Variants in CILP observed in about 807,000 individuals in gnomAD.
CILP encodes the protein cartilage intermediate layer protein 1.
In CILP, 75 loss-of-function variants were observed where a neutral mutation model predicts 82.5. That is an observed-to-expected ratio of 0.91 (90% CI 0.75 to 1.10). The LOEUF is 1.10. Ranked by LOEUF, CILP falls within the 50% of genes least tolerant of loss-of-function variation. CILP has a pLI of 0.00. For synonymous variants in CILP, 530 were observed against 580.3 expected (o/e 0.91, Z 1.25); for missense variants, 1,479 against 1,530.8 (o/e 0.97, Z 0.56).
chr15:65,199,073 C>G lies in CILP; in HGVS notation c.1213G>C (p.Val405Leu), dbSNP rs2088420036. Residue 405 changes from valine (V) to leucine (L), a missense_variant, in exon 9 of 9, where the codon GTT becomes CTT. By Grantham distance (32) the Val-to-Leu change is conservative (BLOSUM62 1). Transcript: ENST00000261883. ...IASDETPCNP[V>L]PESYLIRLPH... ...AGCCGGATAAGATAGCTCTCAGGAA[C>G]TGGGTTGCAAGGAGTCTCATCAGAT... 1 of 1,596,452 alleles carries G rather than the reference C, an allele frequency of 6.3e-7. No individual in the cohort carries two copies. Among genetic ancestry groups the G allele is most frequent in the Non-Finnish European group, 8.5e-7 (1 of 1,178,204 alleles).
In CILP at chr15:65,198,121, T is replaced by A. The variant is rs1566993106; in HGVS notation, c.2165A>T (p.Asn722Ile). The part of the protein sequence containing the change: ...GDFKFENQRR[N>I]KREDRTFLVG... ...CAGGAAGGTTCTGTCTTCTCTTTTG[T>A]TCCTCCTTTGATTTTCAAATTTGAA... Residue 722 changes from asparagine (N) to isoleucine (I), a missense_variant, in exon 9 of 9, where the codon AAC becomes ATC. Physicochemically the swap from Asn to Ile is moderately radical, Grantham distance 149. Transcript: ENST00000261883. 2 of 1,614,234 alleles carry A rather than the reference T, an allele frequency of 1.2e-6. No individual in the cohort carries two copies. Among genetic ancestry groups the A allele is most frequent in the Non-Finnish European group, 1.7e-6 (2 of 1,180,044 alleles).
rs1243793835 is a variant in CILP at position 65,195,749 on chromosome 15, A to G, written c.*982T>C. ...CCAAAGTATTGGAAAGAAGGAAAGA[A>G]AAAAATCGGGACGTGTTTTTAGTCT... is the stretch of plus-strand genomic sequence containing the variant. On this transcript the variant is annotated 3_prime_UTR_variant, in exon 9 of 9. Transcript: ENST00000261883. 2 of 152,238 alleles carry G rather than the reference A, an allele frequency of 1.3e-5. No homozygotes were observed. Among genetic ancestry groups the G allele is most frequent in the East Asian group, 1.9e-4 (1 of 5,202 alleles). The allele number at this position is 152,238 out of a possible 1,614,324, so 9.4% of individuals were successfully genotyped here.
chr15:65,211,064 G>A (rs767187589), intron 1 of CILP, among the ~76,000 whole-genome samples: 11 of 152,290 alleles, frequency 7.2e-5, no homozygotes, highest in South Asian at 2.1e-4. Flanking sequence ...CAGCATCTCC[G>A]CCGTTTCCTC....
At position 65,196,547 on chromosome 15, in the gene CILP, G is replaced by C. The variant is rs2088363332; in HGVS notation, c.*184C>G. The C allele has an allele frequency of 2.0e-6, 1 of 491,650 alleles. No homozygotes were observed. The highest frequency in any genetic ancestry group is 3.8e-5 in the Admixed American group (1 of 26,276). 30.5% of individuals were successfully genotyped at this position (491,650 alleles called of 1,614,324 possible). A position where few individuals can be genotyped will look rare whatever the true frequency, so the allele number is the denominator to read the frequency against. On this transcript the variant is annotated 3_prime_UTR_variant, in exon 9 of 9. Coordinates refer to ENST00000261883, the MANE Select transcript of CILP (RefSeq NM_003613.4). Reference sequence around the variant, plus strand: ...AACAGTTTCACAAAGGGGCTTTATTGTGCCATTGTGGGGGCCACGTGCCAA... The same window carrying C: ...AACAGTTTCACAAAGGGGCTTTATTCTGCCATTGTGGGGGCCACGTGCCAA...
chr15:65,198,222 C>T lies in CILP; in HGVS notation c.2064G>A (p.Lys688=). ...VKVHLDSTQV[K]MPEHISTVKL... ...TCACTGTGGATATGTGCTCTGGCAT[C>T]TTGACCTGGGTCGAGTCAAGGTGGA... Residue 688 remains lysine (K), a synonymous_variant, in exon 9 of 9, where the codon AAG becomes AAA. Coordinates refer to ENST00000261883, the MANE Select transcript of CILP (RefSeq NM_003613.4). 2 of 1,614,264 alleles carry T rather than the reference C, an allele frequency of 1.2e-6. No individual in the cohort carries two copies. The highest frequency in any genetic ancestry group is 1.7e-6 in the Non-Finnish European group (2 of 1,180,050).
At chr15:65,199,869 C>A (rs192639797) in intron 8 of CILP, among the ~76,000 whole-genome samples, 12 of 152,260 alleles carry the variant, frequency 7.9e-5, no homozygotes, top group Admixed American at 5.9e-4. Context: ...ATGGCTTTAA[C>A]CATATACTGA....
In CILP at chr15:65,205,393, A is replaced by T. The variant is rs758024866; in HGVS notation, c.498T>A (p.Gly166=). The change falls in exon 5 of 9, where the codon GGT becomes GGA. Residue 166 remains glycine, a synonymous_variant. Coordinates refer to ENST00000261883, the MANE Select transcript of CILP (RefSeq NM_003613.4). ...GTGTGCGAGTCTGGACCCCAGTCTG[A>T]CCACAGGCAGCTGAGCACTTGCTCC... is the stretch of plus-strand genomic sequence containing the variant. ...SPWSKCSAAC[G]QTGVQTRTRI... is the part of the protein sequence containing the mutation. 3.1e-6 allele frequency: 5 copies of T among 1,614,040 alleles called. No homozygotes were observed. The East Asian group carries it at 6.7e-5, about 22-fold the overall frequency.
Position 65,198,938 on chromosome 15 carries a change from C to T in CILP, c.1348G>A (p.Ala450Thr). The T allele has an allele frequency of 6.2e-7, 1 of 1,614,022 alleles. No individual in the cohort carries two copies. Among genetic ancestry groups the T allele is most frequent in the Non-Finnish European group, 8.5e-7 (1 of 1,180,034 alleles). The stretch of plus-strand genomic sequence containing the variant: ...GAGATGCCACAGCAGTTCTGCACAG[C>T]ATCACGGCACCTGATCCCATTATCC... ...QQDNGIRCRDAVQNCCGISKT... is the reference protein window; with the variant it reads ...QQDNGIRCRDTVQNCCGISKT... The change falls in exon 9 of 9, where the codon GCT (alanine) becomes ACT (threonine). Residue 450 changes from alanine to threonine, a missense_variant. Transcript: ENST00000261883.
In CILP at chr15:65,198,139, A is replaced by C. The variant is rs1428415353; in HGVS notation, c.2147T>G (p.Phe716Cys). Reference sequence around the variant, plus strand: ...TCTTTTGTTCCTCCTTTGATTTTCAAATTTGAAATCACCTTCCTCCTCCCA... The same window carrying C: ...TCTTTTGTTCCTCCTTTGATTTTCACATTTGAAATCACCTTCCTCCTCCCA... ...GLWEEEGDFK[F>C]ENQRRNKRED... Residue 716 changes from phenylalanine (F) to cysteine (C), a missense_variant, in exon 9 of 9, where the codon TTT becomes TGT. By Grantham distance (205) the Phe-to-Cys change is radical. Coordinates refer to ENST00000261883, the MANE Select transcript of CILP (RefSeq NM_003613.4). 19 of 1,614,174 alleles carry C rather than the reference A, an allele frequency of 1.2e-5. No individual in the cohort carries two copies. The highest frequency in any genetic ancestry group is 1.5e-5 in the Non-Finnish European group (18 of 1,180,042).
At chr15:65,210,610 A>G (rs1424278989) in intron 1 of CILP, among the ~76,000 whole-genome samples, 3 of 152,124 alleles carry the variant, frequency 2.0e-5, no homozygotes, top group South Asian at 4.1e-4. Flanking sequence ...TGAGCAGAAC[A>G]TTTTTATGTC....
chr15:65,204,961 G>A (rs1479718929), intron 5 of CILP, among the ~76,000 whole-genome samples: 1 of 152,138 alleles, frequency 6.6e-6, no homozygotes, highest in Non-Finnish European at 1.5e-5. Flanking sequence ...GGAGGCTGGA[G>A]TAAGCCAAGA....
Position 65,201,812 on chromosome 15 carries a change from C to G in CILP, c.1186+60G>C, listed in dbSNP as rs530490042. 890 of 1,267,338 alleles carry G rather than the reference C, an allele frequency of 7.0e-4. 1 individual carries two copies. The highest frequency in any genetic ancestry group is 8.5e-4 in the Non-Finnish European group (806 of 947,852). The allele number at this position is 1,267,338 out of a possible 1,614,324, so 78.5% of individuals were successfully genotyped here. ...GCTATTACTGCATAGTTATGCCCAC[C>G]TGGGTGCTCAGCCAACCCTGTTGCA... On this transcript the variant is annotated intron_variant, in intron 8 of 8. Transcript: ENST00000261883.
At chr15:65,204,136 G>A in intron 6 of CILP, 132 bp downstream of exon 6, 1 of 725,828 alleles carries the variant, frequency 1.4e-6, no homozygotes. Flanking sequence ...AGATAATATA[G>A]TGCCATGTGG....
At chr15:65,202,792 A>G (rs1313041309) in intron 7 of CILP, among the ~76,000 whole-genome samples, 1 of 150,296 alleles carries the variant, frequency 6.7e-6, no homozygotes, top group Non-Finnish European at 1.5e-5. Context: ...GATGATATAC[A>G]AGTCTGGACC....
rs2088358643 is a variant in CILP at position 65,196,203 on chromosome 15, G to A, written c.*528C>T. ...TATTTAATAGCTTAACTTTGAATGTGCACTAGAATTCCAAATTTAGCAAAG... is the reference window on the plus strand; with the variant it reads ...TATTTAATAGCTTAACTTTGAATGTACACTAGAATTCCAAATTTAGCAAAG... On this transcript the variant is annotated 3_prime_UTR_variant, in exon 9 of 9. Coordinates refer to ENST00000261883, the MANE Select transcript of CILP (RefSeq NM_003613.4). The A allele has an allele frequency of 6.6e-6, 1 of 152,356 alleles. No individual in the cohort carries two copies. The highest frequency in any genetic ancestry group is 6.5e-5 in the Admixed American group (1 of 15,286). 9.4% of individuals were successfully genotyped at this position (152,356 alleles called of 1,614,324 possible). A position where few individuals can be genotyped will look rare whatever the true frequency, so the allele number is the denominator to read the frequency against.
intron 5 of CILP, 28 bp from the exon 6 acceptor site, chr15:65,204,610 G>A (rs2088497378): frequency 6.4e-7 from 1 of 1,561,810 alleles, no homozygotes. Context: ...ATATCAGCAG[G>A]GATTCTATGG....
intron 8 of CILP, among the ~76,000 whole-genome samples, 191 bp from the exon 9 acceptor site, chr15:65,199,290 G>A (rs140040419): frequency 2.6e-5 from 4 of 152,340 alleles, no homozygotes; most frequent in Non-Finnish European, 5.9e-5. Context: ...GGGAAACAGA[G>A]TTGGTTGATG....
At position 65,196,952 on chromosome 15, in the gene CILP, C is replaced by T. The variant is rs201712384; in HGVS notation, c.3334G>A (p.Gly1112Arg). The T allele has an allele frequency of 1.0e-4, 162 of 1,613,704 alleles. No individual in the cohort carries two copies. Among genetic ancestry groups the T allele is most frequent in the Non-Finnish European group, 1.3e-4 (153 of 1,179,878 alleles). The change falls in exon 9 of 9, where the codon GGA (glycine) becomes AGA (arginine). Residue 1112 changes from glycine to arginine, a missense_variant. Transcript: ENST00000261883. ...GSSRIMKSNV[G>R]VALTFNCVER... ...ACACAGTTGAAGGTGAGGGCTACTC[C>T]CACATTGCTCTTCATGATTCTGGAG...
chr15:65,202,419 C>A (rs2088468278), intron 7 of CILP, among the ~76,000 whole-genome samples: 1 of 151,922 alleles, frequency 6.6e-6, no homozygotes, highest in African/African-American at 2.4e-5. Flanking sequence ...AGGGATTCTG[C>A]CCTTGTTTGC....
Sources: gnomAD v4.1 joint callset for allele counts (sites outside exome capture counted in the v4.1 genomes callset) on GRCh38, gnomAD v4.1.1 for gene constraint, MANE v1.5 for transcripts, NCBI Gene and HGNC (gene_info 2026-07-23, HGNC 2026-07-21) for gene names.